The following ADK variants were observed in gnomAD, a reference collection of about 807,000 sequenced individuals.
The protein encoded by ADK is adenosine kinase.
ADK carries 24 observed loss-of-function variants against 44.7 expected under a neutral mutation model. That is an observed-to-expected ratio of 0.54 (90% confidence interval 0.39 to 0.76). ADK has a LOEUF of 0.76. Ranked by LOEUF, ADK falls within the 30% of genes least tolerant of loss-of-function variation. The pLI is 0.00. For missense variants in ADK, 321 were observed against 425.1 expected, an observed-to-expected ratio of 0.76 and a Z score of 2.15; for synonymous variants, 128 against 142.6, an observed-to-expected ratio of 0.90 and a Z score of 0.73.
At chr10:74,170,018 T>G (rs1842117888) in intron 1 of ADK, among the ~76,000 whole-genome samples, 1 of 152,240 alleles carries the variant, frequency 6.6e-6, no homozygotes, top group South Asian at 2.1e-4. Context: ...CCCAGGCCCC[T>G]GACCTTTACA....
intron 6 of ADK, among the ~76,000 whole-genome samples, chr10:74,461,413 A>G (rs940914985): frequency 2.0e-5 from 3 of 152,108 alleles, no homozygotes; most frequent in Non-Finnish European, 1.5e-5. Context: ...GCCTGGTAAT[A>G]GTATTTGCAT....
chr10:74,238,167 G>A (rs774046156), intron 3 of ADK, among the ~76,000 whole-genome samples: 15 of 152,134 alleles, frequency 9.9e-5, no homozygotes, highest in African/African-American at 3.4e-4. Context: ...CTGTCCGCCC[G>A]TCTTCTTTTT....
chr10:74,356,176 G>T (rs1336654501), intron 4 of ADK, among the ~76,000 whole-genome samples: 1 of 149,606 alleles, frequency 6.7e-6, no homozygotes, highest in Non-Finnish European at 1.5e-5. Context: ...CCGCCACCGC[G>T]CCCGGCTAAT....
intron 4 of ADK, among the ~76,000 whole-genome samples, chr10:74,325,984 A>G (rs909378676): frequency 6.6e-6 from 1 of 151,890 alleles, no homozygotes; most frequent in African/African-American, 2.4e-5. Flanking sequence ...TACAGGCACC[A>G]ACCACCATGC....
chr10:74,387,051 C>T (rs1843168559), intron 4 of ADK, among the ~76,000 whole-genome samples: 1 of 152,130 alleles, frequency 6.6e-6, no homozygotes, highest in African/African-American at 2.4e-5. Context: ...ATTCTCCTGC[C>T]TCAGCCTCCT....
chr10:74,675,469 T>G (rs1004403484), intron 10 of ADK, among the ~76,000 whole-genome samples: 1 of 152,240 alleles, frequency 6.6e-6, no homozygotes, highest in Non-Finnish European at 1.5e-5. Flanking sequence ...GTGATATTTG[T>G]TCTTTATTTG....
In ADK at chr10:74,200,849, A is replaced by C; in HGVS notation, c.140+11A>C. ...AGATTTCCTTGATAAGTAAGTATTA[A>C]ACTCTTCATATGCACTATGTGGAAC... On this transcript the variant is annotated intron_variant, in intron 2 of 10. Transcript: ENST00000539909. 6.5e-7 allele frequency: 1 copy of C among 1,535,076 alleles called. No individual in the cohort carries two copies. Among genetic ancestry groups the C allele is most frequent in the Non-Finnish European group, 9.0e-7 (1 of 1,108,886 alleles).
chr10:74,176,955 C>T (rs2132068882), intron 1 of ADK: 2 of 1,590,162 alleles, frequency 1.3e-6, no homozygotes, highest in Middle Eastern at 1.7e-4. Context: ...TGAGCACTGT[C>T]GCTCCTTCTC....
intron 7 of ADK, among the ~76,000 whole-genome samples, chr10:74,583,710 T>C (rs922341477): frequency 2.0e-5 from 3 of 152,260 alleles, no homozygotes; most frequent in Non-Finnish European, 2.9e-5. Context: ...TTAACATAAT[T>C]TGAATGTGAA....
At position 74,196,135 on chromosome 10, in the gene ADK, C is replaced by T. The variant is rs116760498; in HGVS notation, c.66-4629C>T. 3.2e-4 allele frequency among the ~76,000 whole-genome samples: 48 copies of T among 152,066 alleles called. 2 individuals are homozygous for T. In the East Asian group the frequency reaches 6.4e-3, roughly 20 times the overall value. On this transcript the variant is annotated intron_variant, in intron 1 of 10. Coordinates refer to ENST00000539909, the MANE Select transcript of ADK (RefSeq NM_006721.4). ...AATTTAAATTATTTTCTCCTCACTG[C>T]TGTACTAGCCACAACTTCTGCAACC...
intron 9 of ADK, among the ~76,000 whole-genome samples, chr10:74,652,167 G>A (rs1041420578): frequency 2.0e-5 from 3 of 149,846 alleles, no homozygotes; most frequent in South Asian, 2.1e-4. Context: ...TCAGCCTCCC[G>A]AGTACCTGGG....
intron 10 of ADK, among the ~76,000 whole-genome samples, chr10:74,684,557 G>A (rs1480389673): frequency 6.6e-6 from 1 of 152,114 alleles, no homozygotes; most frequent in Admixed American, 6.5e-5. Flanking sequence ...GATTACTTGA[G>A]CCTAGGAGTT....
intron 7 of ADK, among the ~76,000 whole-genome samples, chr10:74,543,937 A>G (rs115605761): frequency 0.016 from 2,462 of 151,002 alleles, 66 homozygotes; most frequent in African/African-American, 0.057. Context: ...CTTTAGTTTC[A>G]TTTTCTGGCC....
intron 4 of ADK, among the ~76,000 whole-genome samples, chr10:74,384,061 A>G (rs1052736822): frequency 6.6e-6 from 1 of 152,184 alleles, no homozygotes; most frequent in Non-Finnish European, 1.5e-5. Flanking sequence ...GCAAAGACTA[A>G]GGTGCTACTT....
chr10:74,653,460 T>G (rs1299926087), intron 9 of ADK, among the ~76,000 whole-genome samples: 1 of 152,014 alleles, frequency 6.6e-6, no homozygotes, highest in Non-Finnish European at 1.5e-5. Context: ...TCAAAAATAA[T>G]AATAATAAGG....
intron 2 of ADK, among the ~76,000 whole-genome samples, chr10:74,204,300 G>T (rs1489930870): frequency 6.6e-6 from 1 of 152,008 alleles, no homozygotes; most frequent in African/African-American, 2.4e-5. Context: ...TAGGTTTTCA[G>T]TGCATAAGTC....
rs140956249 is a variant in ADK, at chr10:74,355,408, C to T, written c.274-38733C>T. On this transcript the variant is annotated intron_variant, in intron 4 of 10. Transcript: ENST00000539909. ...GCAAAATATTTCAGATAGTACATAA[C>T]GTATATACTTAGCCTTGTGCAATCA... is the stretch of plus-strand genomic sequence containing the variant. Among the ~76,000 whole-genome samples, 156 of 152,264 alleles carry T rather than the reference C, an allele frequency of 1.0e-3. 1 individual carries two copies. Among genetic ancestry groups the T allele is most frequent in the Middle Eastern group, 6.8e-3 (2 of 294 alleles).
At chr10:74,595,727 G>A (rs368042471) in intron 8 of ADK, among the ~76,000 whole-genome samples, 118,893 of 118,980 alleles carry the variant, frequency 1, 59,403 homozygotes, top group Middle Eastern at 1. Flanking sequence ...GGGTGTGGTG[G>A]CTCCCACGCC....
At chr10:74,176,127 G>C (rs971303397) in intron 1 of ADK, among the ~76,000 whole-genome samples, 2 of 152,142 alleles carry the variant, frequency 1.3e-5, no homozygotes, top group Non-Finnish European at 2.9e-5. Context: ...CGATGTCCAG[G>C]CCTACCTTTC....
Sources: gnomAD v4.1 joint callset for allele counts (sites outside exome capture counted in the v4.1 genomes callset) on GRCh38, gnomAD v4.1.1 for gene constraint, MANE v1.5 for transcripts, NCBI Gene and HGNC (gene_info 2026-07-23, HGNC 2026-07-21) for gene names.